Variants in PLGRKT observed in about 807,000 individuals in gnomAD.
PLGRKT encodes the protein plasminogen receptor with a C-terminal lysine.
In PLGRKT, 22 loss-of-function variants were observed where a neutral mutation model predicts 18.5. That is an observed-to-expected ratio of 1.19 (90% CI 0.85 to 1.70). The LOEUF (loss-of-function observed/expected upper bound fraction) is 1.70. PLGRKT is among the 40% of genes most tolerant of loss of function. The pLI, the probability that PLGRKT is intolerant of heterozygous loss-of-function variation, is 0.00. For synonymous variants in PLGRKT, 72 were observed against 52.8 expected, an observed-to-expected ratio of 1.36 and a Z score of -1.58; for missense variants, 235 against 174.4, an observed-to-expected ratio of 1.35 and a Z score of -1.96.
At chr9:5,381,543 T>C (rs2131095044) in intron 3 of PLGRKT, among the ~76,000 whole-genome samples, 1 of 152,362 alleles carries the variant, frequency 6.6e-6, no homozygotes. Context: ...TGCCTGGATG[T>C]CCAGGCAAAG....
At chr9:5,396,159 G>T (rs1412606814) in intron 3 of PLGRKT, among the ~76,000 whole-genome samples, 1 of 151,674 alleles carries the variant, frequency 6.6e-6, no homozygotes, top group Non-Finnish European at 1.5e-5. Flanking sequence ...CTCACAAAGT[G>T]CTGGGATTAC....
chr9:5,418,663 A>T lies in PLGRKT; in HGVS notation c.81+13234T>A, dbSNP rs1341183548. 1 of 680,496 alleles carries T rather than the reference A, an allele frequency of 1.5e-6. No homozygotes were observed. Among genetic ancestry groups the T allele is most frequent in the Non-Finnish European group, 2.7e-6 (1 of 364,420 alleles). The allele number at this position is 680,496 out of a possible 1,614,324, so 42.2% of individuals were successfully genotyped here. A position where few individuals can be genotyped will look rare whatever the true frequency, so the allele number is the denominator to read the frequency against. On this transcript the variant is annotated intron_variant, in intron 3 of 5. Transcript: ENST00000223864. This position sits in a 1 kb window ranked among gnomAD's most constrained non-coding sequence, Gnocchi z 4.2. The stretch of plus-strand genomic sequence containing the variant: ...GGGCAGCAGCGCGTGCTCCTTGGAG[A>T]TGGGCAGGGGCAGCATGTAGCACCC...
Position 5,366,118 on chromosome 9 carries a change from C to T in PLGRKT, c.82-4230G>A, listed in dbSNP as rs183040960. ...TATGTTTAAATTCATAGGTCTATAT[C>T]TGCACACATCTTAAAAATCAAATTA... On this transcript the variant is annotated intron_variant, in intron 3 of 5. Coordinates refer to ENST00000223864, the MANE Select transcript of PLGRKT (RefSeq NM_018465.4). 6.7e-4 allele frequency among the ~76,000 whole-genome samples: 102 copies of T among 152,246 alleles called. 1 individual carries two copies. The highest frequency in any genetic ancestry group is 1.2e-3 in the Non-Finnish European group (82 of 68,002).
intron 3 of PLGRKT, among the ~76,000 whole-genome samples, chr9:5,395,129 G>A: frequency 6.6e-6 from 1 of 150,376 alleles, no homozygotes; most frequent in Non-Finnish European, 1.5e-5. Context: ...CTTAATGAAA[G>A]ATTATCTTCA....
At chr9:5,398,188 C>A (rs1818089616) in intron 3 of PLGRKT, among the ~76,000 whole-genome samples, 1 of 151,776 alleles carries the variant, frequency 6.6e-6, no homozygotes, top group Non-Finnish European at 1.5e-5. Flanking sequence ...GCACCCTTAC[C>A]ACTCAGCAAC....
At chr9:5,369,879 G>A (rs992289846) in intron 3 of PLGRKT, among the ~76,000 whole-genome samples, 5 of 152,080 alleles carry the variant, frequency 3.3e-5, no homozygotes, top group Non-Finnish European at 5.9e-5. Context: ...ATATGTGGGA[G>A]TTGAACAATG....
At chr9:5,378,142 G>C (rs764698265) in intron 3 of PLGRKT, among the ~76,000 whole-genome samples, 1 of 152,114 alleles carries the variant, frequency 6.6e-6, no homozygotes, top group Non-Finnish European at 1.5e-5. Flanking sequence ...TCATACATTT[G>C]AACAGGCAAC....
At chr9:5,420,707 C>T (rs1360996667) in intron 3 of PLGRKT, among the ~76,000 whole-genome samples, 2 of 152,202 alleles carry the variant, frequency 1.3e-5, no homozygotes, top group African/African-American at 4.8e-5. Flanking sequence ...AAAGATTGTG[C>T]TGCTTTCTTC....
At chr9:5,382,802 G>T (rs1487588396) in intron 3 of PLGRKT, among the ~76,000 whole-genome samples, 1 of 152,196 alleles carries the variant, frequency 6.6e-6, no homozygotes, top group African/African-American at 2.4e-5. Context: ...ATGTTGCCTT[G>T]AAGTAGGATG....
intron 3 of PLGRKT, among the ~76,000 whole-genome samples, chr9:5,363,111 G>A (rs568750417): frequency 2.6e-5 from 4 of 151,896 alleles, no homozygotes; most frequent in Non-Finnish European, 5.9e-5. Flanking sequence ...CCAAAACCTA[G>A]AGCCAGCGGA....
Position 5,357,991 on chromosome 9 carries a change from T to A in PLGRKT, c.*248A>T, listed in dbSNP as rs1817175427. Reference sequence around the variant, plus strand: ...TTTGCTTCCAGGAATTCAAAACAATTTATTAATTTTACACTTAGATATTGG... The same window carrying A: ...TTTGCTTCCAGGAATTCAAAACAATATATTAATTTTACACTTAGATATTGG... On this transcript the variant is annotated 3_prime_UTR_variant, in exon 6 of 6. Transcript: ENST00000223864. 2 of 291,158 alleles carry A rather than the reference T, an allele frequency of 6.9e-6. No individual in the cohort carries two copies. Among genetic ancestry groups the A allele is most frequent in the East Asian group, 1.3e-4 (2 of 15,576 alleles). 18.0% of individuals were successfully genotyped at this position (291,158 alleles called of 1,614,324 possible). A position where few individuals can be genotyped will look rare whatever the true frequency, so the allele number is the denominator to read the frequency against.
intron 3 of PLGRKT, among the ~76,000 whole-genome samples, chr9:5,426,016 A>G (rs1485623924): frequency 2.0e-5 from 3 of 152,246 alleles, no homozygotes; most frequent in Non-Finnish European, 1.5e-5. Context: ...TTATTTAGAC[A>G]TGGTATTTCA....
intron 3 of PLGRKT, among the ~76,000 whole-genome samples, chr9:5,370,023 G>A (rs1817483376): frequency 1.3e-5 from 2 of 151,822 alleles, no homozygotes; most frequent in Non-Finnish European, 1.5e-5. Context: ...AACCACCATG[G>A]CACTATGTAA....
intron 3 of PLGRKT, among the ~76,000 whole-genome samples, chr9:5,425,557 A>G (rs764255355): frequency 2.6e-5 from 4 of 152,212 alleles, no homozygotes; most frequent in Non-Finnish European, 4.4e-5. Context: ...ATCACTGACA[A>G]TCACCAATTA....
intron 3 of PLGRKT, among the ~76,000 whole-genome samples, chr9:5,429,003 C>T (rs1438013562): frequency 6.6e-6 from 1 of 152,126 alleles, no homozygotes; most frequent in Admixed American, 6.6e-5. Flanking sequence ...TGCTTGATCA[C>T]ATGTATATTG....
intron 2 of PLGRKT, among the ~76,000 whole-genome samples, chr9:5,435,360 A>T (rs938242771): frequency 6.7e-6 from 1 of 150,370 alleles, no homozygotes; most frequent in South Asian, 2.1e-4. Context: ...AGCTGTCTCA[A>T]GGTCAGTAGA....
intron 3 of PLGRKT, among the ~76,000 whole-genome samples, chr9:5,363,671 C>A (rs1301373968): frequency 6.6e-6 from 1 of 152,170 alleles, no homozygotes; most frequent in Non-Finnish European, 1.5e-5. Context: ...TCCCCAGATG[C>A]ATCTGGCTAG....
intron 3 of PLGRKT, chr9:5,381,870 A>G (rs2381277): frequency 0.66 from 650,959 of 981,958 alleles, 218,664 homozygotes; most frequent in African/African-American, 0.92. Flanking sequence ...TACCTTCCTC[A>G]CAGATCCTTA....
chr9:5,409,562 T>G (rs765427922), intron 3 of PLGRKT, among the ~76,000 whole-genome samples: 11 of 152,134 alleles, frequency 7.2e-5, no homozygotes, highest in Non-Finnish European at 1.3e-4. Context: ...GAGTGGTAGA[T>G]CCACTGACAG....
Sources: allele counts gnomAD v4.1 joint callset (sites outside exome capture counted in the v4.1 genomes callset), GRCh38; gene constraint gnomAD v4.1.1; non-coding constraint Gnocchi (gnomAD v3.1); transcripts MANE v1.5; gene names NCBI Gene and HGNC (gene_info 2026-07-23, HGNC 2026-07-21).